VPS16: variants seen among roughly 807,000 people sequenced by gnomAD.
VPS16 encodes the protein vacuolar protein sorting-associated protein 16 homolog.
VPS16 carries 82 observed loss-of-function variants against 116.0 expected under a neutral mutation model. The ratio of observed to expected loss-of-function variants is 0.71; its 90% CI spans 0.59 to 0.85. The LOEUF (loss-of-function observed/expected upper bound fraction) is 0.85. VPS16 is among the 40% of genes least tolerant of loss of function. VPS16 has a pLI of 0.00. For missense variants in VPS16, 928 were observed against 1,090.6 expected, an observed-to-expected ratio of 0.85 and a Z score of 2.10; for synonymous variants, 406 against 420.7, an observed-to-expected ratio of 0.96 and a Z score of 0.43.
rs190747456 is a variant in VPS16 at position 2,851,125 on chromosome 20, T to C, written c.54-8594T>C. Among the ~76,000 whole-genome samples the C allele has an allele frequency of 1.1e-3, 173 of 152,286 alleles. 1 individual carries two copies. Among genetic ancestry groups the C allele is most frequent in the African/African-American group, 3.9e-3 (162 of 41,552 alleles). ...TTGGAAAAATACAGTTGCAGCCCACTGGATGGCAGAGAAGTTGGTTTGCCC... is the reference window on the plus strand; with the variant it reads ...TTGGAAAAATACAGTTGCAGCCCACCGGATGGCAGAGAAGTTGGTTTGCCC... On this transcript the variant is annotated intron_variant, in intron 1 of 23. Coordinates refer to ENST00000380445, the MANE Select transcript of VPS16 (RefSeq NM_022575.4).
Position 2,863,844 on chromosome 20 carries a change from G to T in VPS16, c.1477-105G>T. On this transcript the variant is annotated intron_variant, in intron 15 of 23. Coordinates refer to ENST00000380445, the MANE Select transcript of VPS16 (RefSeq NM_022575.4). This position sits in a 1 kb window ranked among gnomAD's most constrained non-coding sequence, Gnocchi z 4.4. ...AAGAGAGAAAGAAAGAAAGAAGAAGGAAGGGAGGGAGGAAGGGAACTGAAG... is the reference window on the plus strand; with the variant it reads ...AAGAGAGAAAGAAAGAAAGAAGAAGTAAGGGAGGGAGGAAGGGAACTGAAG... The T allele has an allele frequency of 6.9e-7, 1 of 1,446,508 alleles. No homozygotes were observed. The highest frequency in any genetic ancestry group is 9.4e-7 in the Non-Finnish European group (1 of 1,065,056). The allele number at this position is 1,446,508 out of a possible 1,614,324, so 89.6% of individuals were successfully genotyped here. A position where few individuals can be genotyped will look rare whatever the true frequency, so the allele number is the denominator to read the frequency against.
At chr20:2,843,773 A>G (rs2089032354) in intron 1 of VPS16, among the ~76,000 whole-genome samples, 1 of 152,234 alleles carries the variant, frequency 6.6e-6, no homozygotes, top group Non-Finnish European at 1.5e-5. Flanking sequence ...ATAAGGTTTT[A>G]AAAGAATGTA....
rs200140557 is a variant in VPS16, at chr20:2,865,246, C to G, written c.2103C>G (p.Thr701=). 4.3e-6 allele frequency: 7 copies of G among 1,614,184 alleles called. No individual in the cohort carries two copies. The highest frequency in any genetic ancestry group is 5.9e-6 in the Non-Finnish European group (7 of 1,180,046). Residue 701 remains threonine, a synonymous_variant, in exon 21 of 24, where the codon ACC becomes ACG. Coordinates refer to ENST00000380445, the MANE Select transcript of VPS16 (RefSeq NM_022575.4). This position sits in a 1 kb window ranked among gnomAD's most constrained non-coding sequence, Gnocchi z 5.2. Reference sequence around the variant, plus strand: ...ACCTGTCTCTACATGACACAGTTACCACCCTCATTCTTGGCGGTCACAACA... The same window carrying G: ...ACCTGTCTCTACATGACACAGTTACGACCCTCATTCTTGGCGGTCACAACA... ...FLDLSLHDTV[T]TLILGGHNKR...
chr20:2,848,408 T>G (rs897419927), intron 1 of VPS16, among the ~76,000 whole-genome samples: 5 of 152,152 alleles, frequency 3.3e-5, no homozygotes, highest in Non-Finnish European at 7.4e-5. Flanking sequence ...CATGCCTGTC[T>G]GAAGCAACAT....
chr20:2,861,768 A>G (rs747566747), intron 9 of VPS16, 37 bp from the exon 10 acceptor site: 7 of 1,612,476 alleles, frequency 4.3e-6, no homozygotes, highest in South Asian at 3.3e-5. Flanking sequence ...GCCCCGTCCC[A>G]TCTGTAGGTG....
chr20:2,857,340 G>A (rs939463373), intron 1 of VPS16, among the ~76,000 whole-genome samples: 1 of 152,120 alleles, frequency 6.6e-6, no homozygotes, highest in African/African-American at 2.4e-5. Flanking sequence ...ATTGGCAGAA[G>A]GTGTTTATTG....
chr20:2,847,715 G>C (rs2089075316), intron 1 of VPS16, among the ~76,000 whole-genome samples: 1 of 152,030 alleles, frequency 6.6e-6, no homozygotes, highest in Non-Finnish European at 1.5e-5. Context: ...CTGACCTCAT[G>C]ATCCGCCTGT....
chr20:2,863,091 T>G lies in VPS16; in HGVS notation c.1358T>G (p.Leu453Arg). The G allele has an allele frequency of 6.2e-7, 1 of 1,613,928 alleles. No individual in the cohort carries two copies. The highest frequency in any genetic ancestry group is 8.5e-7 in the Non-Finnish European group (1 of 1,180,000). The change falls in exon 14 of 24, where the codon CTG (leucine) becomes CGG (arginine). Residue 453 changes from leucine to arginine, a missense_variant. Leu to Arg is a moderately radical substitution (Grantham distance 102). Transcript: ENST00000380445. This position sits in a 1 kb window ranked among gnomAD's most constrained non-coding sequence, Gnocchi z 4.4. ...SQYKQLTIQV[L>R]LDRLVLRRLY... ...TATAAGCAGCTCACCATCCAGGTGCTGCTGGACAGGTAGGGTAAGCCCAAG... is the reference window on the plus strand; with the variant it reads ...TATAAGCAGCTCACCATCCAGGTGCGGCTGGACAGGTAGGGTAAGCCCAAG...
chr20:2,856,704 G>A (rs2089174984), intron 1 of VPS16, among the ~76,000 whole-genome samples: 1 of 152,074 alleles, frequency 6.6e-6, no homozygotes, highest in South Asian at 2.1e-4. Flanking sequence ...TTCCTATATG[G>A]CCCATAGTCT....
Position 2,861,621 on chromosome 20 carries a change from C to G in VPS16, c.816C>G (p.Ser272Arg). The G allele has an allele frequency of 6.2e-7, 1 of 1,610,216 alleles. No homozygotes were observed. Among genetic ancestry groups the G allele is most frequent in the East Asian group, 2.2e-5 (1 of 44,782 alleles). ...GTGTATATGCTGCTCACAGGTGCAG[C>G]CGTCCTCGTAGCAAGGAGAGGGCCG... ...RAPPKQMVWC[S>R]RPRSKERAVV... is the part of the protein sequence containing the mutation. Residue 272 changes from serine (S) to arginine (R), a missense_variant, in exon 9 of 24, where the codon AGC becomes AGG. Ser to Arg is a moderately radical substitution (Grantham distance 110). Transcript: ENST00000380445.
chr20:2,854,416 A>G (rs1288316827), intron 1 of VPS16, among the ~76,000 whole-genome samples: 1 of 151,794 alleles, frequency 6.6e-6, no homozygotes, highest in Admixed American at 6.6e-5. Context: ...GCAACAGAGC[A>G]AGACAATGTC....
intron 1 of VPS16, among the ~76,000 whole-genome samples, chr20:2,851,895 C>T (rs1599982679): frequency 6.6e-6 from 1 of 152,014 alleles, no homozygotes; most frequent in Admixed American, 6.6e-5. Context: ...GGCGTGAAGT[C>T]GGGAGGCGGA....
intron 1 of VPS16, among the ~76,000 whole-genome samples, chr20:2,850,324 C>T (rs941210849): frequency 6.8e-6 from 1 of 146,996 alleles, no homozygotes; most frequent in African/African-American, 2.6e-5. Context: ...AACTCTGTCT[C>T]AAAAAACAAA....
In VPS16 at chr20:2,860,457, C is replaced by T. The variant is rs1293038591; in HGVS notation, c.378C>T (p.Leu126=). ...TGGCCCCCTTTCCTCAGGAAGTGCT[C>T]CAGAACCGGGTTCTGGATGCCCGGA... ...RRHFSMGNEV[L]QNRVLDARIF... is the part of the protein sequence containing the mutation. Residue 126 remains leucine (L), a synonymous_variant, in exon 5 of 24, where the codon CTC becomes CTT. Coordinates refer to ENST00000380445, the MANE Select transcript of VPS16 (RefSeq NM_022575.4). This position sits in a 1 kb window ranked among gnomAD's most constrained non-coding sequence, Gnocchi z 6.1. The T allele has an allele frequency of 1.2e-6, 2 of 1,614,060 alleles. No homozygotes were observed. The highest frequency in any genetic ancestry group is 4.5e-5 in the East Asian group (2 of 44,872).
intron 1 of VPS16, among the ~76,000 whole-genome samples, chr20:2,857,257 G>T (rs958256410): frequency 6.6e-6 from 1 of 152,190 alleles, no homozygotes; most frequent in Admixed American, 6.5e-5. Flanking sequence ...GATTATAGGC[G>T]TGAGCCACTG....
intron 1 of VPS16, among the ~76,000 whole-genome samples, chr20:2,842,722 G>GTATCTATATATATATAGATACATCTA (rs1599966396): frequency 9.0e-5 from 4 of 44,540 alleles, no homozygotes; most frequent in Admixed American, 2.4e-4. Flanking sequence ...ATAGACATAT[G>GTATCTATATATATATAGATACATCTA]GATGTATCTA....
intron 1 of VPS16, among the ~76,000 whole-genome samples, chr20:2,856,027 G>C (rs1199808438): frequency 6.6e-6 from 1 of 152,198 alleles, no homozygotes; most frequent in African/African-American, 2.4e-5. Flanking sequence ...ACGAGGCCTA[G>C]CTTTTGTCCT....
intron 1 of VPS16, among the ~76,000 whole-genome samples, chr20:2,841,387 C>A (rs1220592539): frequency 6.6e-6 from 1 of 152,192 alleles, no homozygotes; most frequent in Admixed American, 6.5e-5. Flanking sequence ...CCCATAGCTT[C>A]CCTAATAGGA....
Position 2,863,982 on chromosome 20 carries a change from GCT to G in VPS16, c.1512_1513del (p.Arg505SerfsTer3), listed in dbSNP as rs772792356. 6.2e-7 allele frequency: 1 copy of G among 1,613,306 alleles called. No homozygotes were observed. The highest frequency in any genetic ancestry group is 8.5e-7 in the Non-Finnish European group (1 of 1,179,838). ...QQKDVSDEDV[A>X]RAINQKLGDT... is the part of the protein sequence containing the mutation. ...GAAGGATGTCTCAGATGAGGATGTGGCTCGAGCCATTAACCAGAAGCTGGGGG... is the reference window on the plus strand; with the variant it reads ...GAAGGATGTCTCAGATGAGGATGTGGCGAGCCATTAACCAGAAGCTGGGGG... On this transcript the variant is annotated frameshift_variant, in exon 16 of 24. Coordinates refer to ENST00000380445, the MANE Select transcript of VPS16 (RefSeq NM_022575.4). LOFTEE classifies it high-confidence loss of function. The surrounding 1 kb of genome is among the most constrained non-coding windows in gnomAD (Gnocchi z 4.4).
Sources: allele counts gnomAD v4.1 joint callset (sites outside exome capture counted in the v4.1 genomes callset), GRCh38; gene constraint gnomAD v4.1.1; non-coding constraint Gnocchi (gnomAD v3.1); transcripts MANE v1.5; gene names NCBI Gene and HGNC (gene_info 2026-07-23, HGNC 2026-07-21).